HMGCLL1: variants seen among roughly 807,000 people sequenced by gnomAD.
The protein encoded by HMGCLL1 is 3-hydroxy-3-methylglutaryl-CoA lyase like 1, also known as 3-hydroxymethyl-3-methylglutaryl-CoA lyase, cytoplasmic.
A neutral mutation model predicts 39.1 loss-of-function variants in HMGCLL1; 36 were observed. That is an observed-to-expected ratio of 0.92 (90% CI 0.71 to 1.22). HMGCLL1 has a LOEUF of 1.22. Ranked by LOEUF, HMGCLL1 falls within the 50% of genes most tolerant of loss-of-function variation. The probability of loss-of-function intolerance (pLI) is 0.00; values close to 1 mark genes in which losing one functional copy is unlikely to be tolerated. For missense variants in HMGCLL1, 451 were observed against 416.5 expected (o/e 1.08, Z -0.72); for synonymous variants, 149 against 144.0 (o/e 1.03, Z -0.25).
At chr6:55,524,284 A>G (rs1357002975) in intron 3 of HMGCLL1, among the ~76,000 whole-genome samples, 2 of 150,918 alleles carry the variant, frequency 1.3e-5, no homozygotes, top group Non-Finnish European at 2.9e-5. Context: ...AAAGCGTATT[A>G]TGAATTAACC....
At chr6:55,672,764 G>A in the HMGCLL1 span, among the ~76,000 whole-genome samples, 11 of 151,854 alleles carry the variant, frequency 7.2e-5, no homozygotes, top group Non-Finnish European at 1.5e-4. Context: ...CTCTTGATAA[G>A]AGACTATATT....
chr6:55,550,088 T>C (rs1015816271), intron 1 of HMGCLL1, among the ~76,000 whole-genome samples: 31 of 152,152 alleles, frequency 2.0e-4, no homozygotes, highest in Middle Eastern at 3.4e-3. Flanking sequence ...TACTTCTTGA[T>C]ATGTGAACAG....
chr6:55,666,950 A>G, the HMGCLL1 span, among the ~76,000 whole-genome samples: 1 of 151,458 alleles, frequency 6.6e-6, no homozygotes, highest in African/African-American at 2.4e-5. Context: ...TTTTTTCAAA[A>G]GTTTGGGCTC....
chr6:55,495,008 A>G (rs527919965), intron 7 of HMGCLL1, among the ~76,000 whole-genome samples: 1 of 152,204 alleles, frequency 6.6e-6, no homozygotes, highest in Non-Finnish European at 1.5e-5. Flanking sequence ...TCTTCCCATC[A>G]TAGAGCATGA....
At chr6:55,507,722 C>G (rs1047777104) in intron 5 of HMGCLL1, among the ~76,000 whole-genome samples, 1 of 151,794 alleles carries the variant, frequency 6.6e-6, no homozygotes, top group Non-Finnish European at 1.5e-5. Flanking sequence ...AGACCTGAAA[C>G]TTACATCACT....
At chr6:55,499,810 C>T (rs1474443981) in intron 5 of HMGCLL1, among the ~76,000 whole-genome samples, 1 of 151,658 alleles carries the variant, frequency 6.6e-6, no homozygotes, top group Non-Finnish European at 1.5e-5. Context: ...TTCATTTTTT[C>T]TCTCTCTCTC....
chr6:55,571,013 A>G (rs533133269), intron 1 of HMGCLL1, among the ~76,000 whole-genome samples: 155 of 152,306 alleles, frequency 1.0e-3, no homozygotes, highest in East Asian at 4.1e-3. Context: ...TCACTACCAC[A>G]AGAACAGTAT....
chr6:55,554,089 G>A (rs781644001), intron 1 of HMGCLL1, among the ~76,000 whole-genome samples: 3 of 152,066 alleles, frequency 2.0e-5, no homozygotes, highest in Admixed American at 6.6e-5. Context: ...ATGAGAGCTC[G>A]TATTCAAAAC....
At chr6:55,533,253 T>G (rs980139585) in intron 3 of HMGCLL1, among the ~76,000 whole-genome samples, 1 of 151,016 alleles carries the variant, frequency 6.6e-6, no homozygotes, top group Admixed American at 6.6e-5. Context: ...ATCCAAAATA[T>G]GTACTATTAT....
Position 55,514,323 on chromosome 6 carries a change from A to G in HMGCLL1, c.394-127T>C, listed in dbSNP as rs116026773. On this transcript the variant is annotated intron_variant, in intron 4 of 8. Coordinates refer to ENST00000274901, the MANE Select transcript of HMGCLL1 (RefSeq NM_001042406.2). ...TTTAATATTTGCCTTAGAATTTAAA[A>G]TTGGATTCCTCTCATCTTGCCACAT... The G allele has an allele frequency of 1.3e-3, 808 of 639,302 alleles. 9 individuals carry two copies. The African/African-American group carries it at 0.014, about 11-fold the overall frequency. The allele number at this position is 639,302 out of a possible 1,614,324, so 39.6% of individuals were successfully genotyped here.
At chr6:55,481,134 A>T (rs1049955501) in intron 7 of HMGCLL1, among the ~76,000 whole-genome samples, 1 of 152,060 alleles carries the variant, frequency 6.6e-6, no homozygotes, top group African/African-American at 2.4e-5. Context: ...GAATCTCAAC[A>T]ATTTGGAGGG....
intron 8 of HMGCLL1, 59 bp downstream of exon 8, chr6:55,439,375 C>A (rs1010507876): frequency 1.6e-5 from 25 of 1,530,842 alleles, no homozygotes; most frequent in Non-Finnish European, 2.1e-5. Context: ...ATCTTAGAAG[C>A]TTTGCAATTT....
intron 1 of HMGCLL1, among the ~76,000 whole-genome samples, chr6:55,578,208 T>C (rs1227741742): frequency 2.0e-5 from 3 of 152,222 alleles, no homozygotes; most frequent in African/African-American, 7.2e-5. Flanking sequence ...AACATTTTCA[T>C]AACAATTATC....
chr6:55,604,296 A>T, the HMGCLL1 span, among the ~76,000 whole-genome samples: 1 of 152,170 alleles, frequency 6.6e-6, no homozygotes, highest in Non-Finnish European at 1.5e-5. Flanking sequence ...GAGGAAAAGA[A>T]AATCATATAC....
At chr6:55,487,272 A>T (rs1029380599) in intron 7 of HMGCLL1, among the ~76,000 whole-genome samples, 3 of 151,774 alleles carry the variant, frequency 2.0e-5, no homozygotes, top group Non-Finnish European at 2.9e-5. Context: ...TCTAGTAAAA[A>T]GTTTGTCAAT....
At chr6:55,607,287 GCTCTCAACTA>G in the HMGCLL1 span, among the ~76,000 whole-genome samples, 1 of 152,146 alleles carries the variant, frequency 6.6e-6, no homozygotes, top group South Asian at 2.1e-4. Flanking sequence ...GCATTAAGTA[GCTCTCAACTA>G]CATTTACTTA....
chr6:55,619,030 G>A, the HMGCLL1 span, among the ~76,000 whole-genome samples: 2 of 152,034 alleles, frequency 1.3e-5, no homozygotes, highest in African/African-American at 2.4e-5. Flanking sequence ...GGAAAAACAC[G>A]GATTTCAGGA....
chr6:55,565,006 C>T (rs1771145342), intron 1 of HMGCLL1, among the ~76,000 whole-genome samples: 1 of 151,908 alleles, frequency 6.6e-6, no homozygotes, highest in South Asian at 2.1e-4. Flanking sequence ...TTGTAGCAAA[C>T]TACAATTTGT....
chr6:55,567,077 C>G (rs9464265), intron 1 of HMGCLL1, among the ~76,000 whole-genome samples: 65,428 of 151,724 alleles, frequency 0.43, 14,192 homozygotes, highest in East Asian at 0.55. Flanking sequence ...CCTCAACATA[C>G]CAGTGCTAAT....
Sources: allele counts gnomAD v4.1 joint callset (sites outside exome capture counted in the v4.1 genomes callset), GRCh38; gene constraint gnomAD v4.1.1; transcripts MANE v1.5; gene names NCBI Gene and HGNC (gene_info 2026-07-23, HGNC 2026-07-21).